TOPAZ1: variants seen among roughly 807,000 people sequenced by gnomAD.
TOPAZ1 encodes the protein protein TOPAZ1.
TOPAZ1 carries 66 observed loss-of-function variants against 172.2 expected under a neutral mutation model. The ratio of observed to expected loss-of-function variants is 0.38; its 90% CI spans 0.31 to 0.47. The LOEUF is 0.47. Among genes scored for constraint, TOPAZ1 ranks in the 20% least tolerant of loss-of-function variants. The probability of loss-of-function intolerance (pLI) is 0.99; values close to 1 mark genes in which losing one functional copy is unlikely to be tolerated. For synonymous variants in TOPAZ1, 681 were observed against 683.9 expected (o/e 1.00, Z 0.07); for missense variants, 1,822 against 1,972.4 (o/e 0.92, Z 1.44).
intron 3 of TOPAZ1, among the ~76,000 whole-genome samples, chr3:44,255,390 T>C (rs1279252610): frequency 6.6e-6 from 1 of 152,066 alleles, no homozygotes; most frequent in Non-Finnish European, 1.5e-5. Flanking sequence ...CGGTGGCTCA[T>C]GCCTGTAATC....
In TOPAZ1 at chr3:44,328,416, G is replaced by C; in HGVS notation, c.4842G>C (p.Leu1614=). 6.6e-7 allele frequency: 1 copy of C among 1,508,710 alleles called. No individual in the cohort carries two copies. The highest frequency in any genetic ancestry group is 8.8e-7 in the Non-Finnish European group (1 of 1,132,788). The allele number at this position is 1,508,710 out of a possible 1,614,324, so 93.5% of individuals were successfully genotyped here. The change falls in exon 19 of 20, where the codon CTG becomes CTC. Residue 1614 remains leucine (L), a synonymous_variant. Transcript: ENST00000309765. Reference sequence around the variant, plus strand: ...GTCCTGGAACTTCTACACAGATACTGCAGATAGTTTTGAAAAGGTTGGTTG... The same window carrying C: ...GTCCTGGAACTTCTACACAGATACTCCAGATAGTTTTGAAAAGGTTGGTTG... ...IQSPGTSTQI[L]QIVLKRCEDN...
At chr3:44,335,830 C>T (rs1251883910), downstream of TOPAZ1, among the ~76,000 whole-genome samples, 1 of 152,112 alleles carries the variant, frequency 6.6e-6, no homozygotes, top group Non-Finnish European at 1.5e-5. Flanking sequence ...TTCCTGAGTT[C>T]CCTTGAGGGC....
At chr3:44,247,231 C>T (rs1699577069) in intron 2 of TOPAZ1, among the ~76,000 whole-genome samples, 1 of 151,928 alleles carries the variant, frequency 6.6e-6, no homozygotes, top group African/African-American at 2.4e-5. Context: ...AGTAAAAATG[C>T]TAAAGAAAAT....
chr3:44,329,668 C>G (rs575141239), intron 19 of TOPAZ1, among the ~76,000 whole-genome samples: 1 of 152,170 alleles, frequency 6.6e-6, no homozygotes, highest in Non-Finnish European at 1.5e-5. Context: ...TTGTGGTACA[C>G]CAAACAGCAT....
Position 44,241,972 on chromosome 3 carries a change from T to A in TOPAZ1, c.-82T>A. ...GGTGGGTCAGAGGGCAGTAGGTACC[T>A]CCAGGCGGGAGCAGCGTTTGCACCG... is the stretch of plus-strand genomic sequence containing the variant. On this transcript the variant is annotated 5_prime_UTR_variant, in exon 1 of 20. Transcript: ENST00000309765. The A allele has an allele frequency of 1.5e-6, 2 of 1,343,512 alleles. No homozygotes were observed. The highest frequency in any genetic ancestry group is 2.0e-6 in the Non-Finnish European group (2 of 986,388). The allele number at this position is 1,343,512 out of a possible 1,614,324, so 83.2% of individuals were successfully genotyped here.
At chr3:44,290,523 A>G (rs1700125307) in intron 11 of TOPAZ1, among the ~76,000 whole-genome samples, 2 of 152,356 alleles carry the variant, frequency 1.3e-5, no homozygotes, top group African/African-American at 4.8e-5. Context: ...AGAGGTATAT[A>G]TGATAAAGTG....
At chr3:44,300,852 G>A (rs6776200) in intron 12 of TOPAZ1, among the ~76,000 whole-genome samples, 52,444 of 137,282 alleles carry the variant, frequency 0.38, 9,993 homozygotes, top group African/African-American at 0.5. Context: ...CCAGAAACTG[G>A]AAAAAAAAAA....
chr3:44,305,433 G>A (rs1454188089), intron 14 of TOPAZ1, 112 bp downstream of exon 14: 30 of 885,684 alleles, frequency 3.4e-5, no homozygotes, highest in Middle Eastern at 3.6e-4. Flanking sequence ...ACAGGGGTGC[G>A]GTCATAGCTC....
intron 9 of TOPAZ1, among the ~76,000 whole-genome samples, chr3:44,283,680 T>C (rs919887697): frequency 3.9e-5 from 6 of 152,198 alleles, no homozygotes; most frequent in African/African-American, 1.4e-4. Context: ...AGGCATATCC[T>C]TTATCATTTT....
In TOPAZ1 at chr3:44,306,319, G is replaced by A. The variant is rs779261093; in HGVS notation, c.4040-7G>A. The A allele has an allele frequency of 2.0e-5, 30 of 1,530,790 alleles. No individual in the cohort carries two copies. Among genetic ancestry groups the A allele is most frequent in the Non-Finnish European group, 2.7e-5 (30 of 1,129,680 alleles). The allele number at this position is 1,530,790 out of a possible 1,614,324, so 94.8% of individuals were successfully genotyped here. On this transcript the variant is annotated splice_region_variant and splice_polypyrimidine_tract_variant and intron_variant, in intron 14 of 19. Transcript: ENST00000309765. ...TATTTTCTTTTGTATGCCTATTTGT[G>A]TTTCAGTTAGCAAAGATCCACAAAA...
intron 16 of TOPAZ1, among the ~76,000 whole-genome samples, chr3:44,320,605 A>G (rs1700497611): frequency 6.6e-6 from 1 of 152,334 alleles, no homozygotes; most frequent in East Asian, 1.9e-4. Flanking sequence ...TCCATCTCAA[A>G]AAAAGAAAAG....
At chr3:44,325,863 G>C (rs940219051) in intron 18 of TOPAZ1, among the ~76,000 whole-genome samples, 5 of 152,062 alleles carry the variant, frequency 3.3e-5, no homozygotes, top group Admixed American at 3.3e-4. Flanking sequence ...GGCTGGTCTT[G>C]AACTCCCAGC....
At chr3:44,301,073 A>G (rs2125698206) in intron 12 of TOPAZ1, among the ~76,000 whole-genome samples, 1 of 152,340 alleles carries the variant, frequency 6.6e-6, no homozygotes, top group Admixed American at 6.5e-5. Context: ...AATATTCCCG[A>G]GATAACAAAA....
At chr3:44,329,254 C>T (rs1170257227) in intron 19 of TOPAZ1, among the ~76,000 whole-genome samples, 3 of 152,148 alleles carry the variant, frequency 2.0e-5, no homozygotes, top group Non-Finnish European at 4.4e-5. Context: ...GGTCCTGGCT[C>T]GGGAATTTTC....
In TOPAZ1 at chr3:44,332,033, T is replaced by G. The variant is rs1271487317; in HGVS notation, c.*22T>G. On this transcript the variant is annotated 3_prime_UTR_variant, in exon 20 of 20. Transcript: ENST00000309765. Reference sequence around the variant, plus strand: ...TTAGCTAATAAAGTCTGCTTTTTTTTTTTTTTTAGTTCAAGTAATCATTGT... The same window carrying G: ...TTAGCTAATAAAGTCTGCTTTTTTTGTTTTTTTAGTTCAAGTAATCATTGT... 6 of 1,468,168 alleles carry G rather than the reference T, an allele frequency of 4.1e-6. No homozygotes were observed. The highest frequency in any genetic ancestry group is 2.5e-5 in the East Asian group (1 of 40,492). 90.9% of individuals were successfully genotyped at this position (1,468,168 alleles called of 1,614,324 possible). A position where few individuals can be genotyped will look rare whatever the true frequency, so the allele number is the denominator to read the frequency against.
chr3:44,324,720 A>T (rs779180095), intron 18 of TOPAZ1, among the ~76,000 whole-genome samples: 13 of 152,168 alleles, frequency 8.5e-5, no homozygotes, highest in Non-Finnish European at 1.9e-4. Context: ...GTTTTACTAT[A>T]TCTACAGAGT....
At chr3:44,271,782 A>G (rs921143649) in intron 8 of TOPAZ1, among the ~76,000 whole-genome samples, 1 of 152,166 alleles carries the variant, frequency 6.6e-6, no homozygotes, top group South Asian at 2.1e-4. Context: ...ACTCTTAGCA[A>G]TTATGAAATG....
rs552286688 is a variant in TOPAZ1, at chr3:44,245,588, G to A, written c.2765+317G>A. Reference sequence around the variant, plus strand: ...GTCTCGCTCTGTCACCCAGGCTGGAGTGCAGTGGCGCAATCTCAGCTCACT... The same window carrying A: ...GTCTCGCTCTGTCACCCAGGCTGGAATGCAGTGGCGCAATCTCAGCTCACT... On this transcript the variant is annotated intron_variant, in intron 2 of 19. Coordinates refer to ENST00000309765, the MANE Select transcript of TOPAZ1 (RefSeq NM_001145030.2). 7.4e-5 allele frequency among the ~76,000 whole-genome samples: 10 copies of A among 135,630 alleles called. No individual in the cohort carries two copies. In the East Asian group the frequency reaches 2.5e-3, roughly 34 times the overall value. 89.0% of individuals were successfully genotyped at this position (135,630 alleles called of 152,430 possible). A position where few individuals can be genotyped will look rare whatever the true frequency, so the allele number is the denominator to read the frequency against.
intron 4 of TOPAZ1, among the ~76,000 whole-genome samples, chr3:44,258,582 T>G (rs1050695604): frequency 2.0e-5 from 3 of 149,004 alleles, no homozygotes; most frequent in African/African-American, 2.5e-5. Context: ...ATTGGTTTCT[T>G]TTTTTTTTTC....
Sources: allele counts gnomAD v4.1 joint callset (sites outside exome capture counted in the v4.1 genomes callset), GRCh38; gene constraint gnomAD v4.1.1; transcripts MANE v1.5; gene names NCBI Gene and HGNC (gene_info 2026-07-23, HGNC 2026-07-21).